Variants in SETD2 observed in about 807,000 individuals in gnomAD.
SETD2 encodes histone-lysine N-methyltransferase SETD2.
In SETD2, 31 loss-of-function variants were observed where a neutral mutation model predicts 242.1. That is an observed-to-expected ratio of 0.13 (90% CI 0.10 to 0.17). SETD2 has a LOEUF of 0.17. Ranked by LOEUF, SETD2 falls within the 10% of genes least tolerant of loss-of-function variation. The pLI, the probability that SETD2 is intolerant of heterozygous loss-of-function variation, is 1.00. For missense variants in SETD2, 2,481 were observed against 3,046.3 expected (o/e 0.81, Z 4.37); for synonymous variants, 1,006 against 1,066.5 (o/e 0.94, Z 1.11).
intron 18 of SETD2, among the ~76,000 whole-genome samples, chr3:47,027,906 C>T (rs2038575555): frequency 6.6e-6 from 1 of 151,932 alleles, no homozygotes; most frequent in Admixed American, 6.6e-5. Flanking sequence ...ATTCTCCTGC[C>T]TCAGCCTCCC....
chr3:47,142,354 G>A (rs2043749607), intron 1 of SETD2, among the ~76,000 whole-genome samples: 2 of 151,898 alleles, frequency 1.3e-5, no homozygotes. Flanking sequence ...CAAAAAATAA[G>A]CAAAATTAGC....
At chr3:47,130,140 G>T (rs1179203131) in intron 1 of SETD2, among the ~76,000 whole-genome samples, 2 of 152,196 alleles carry the variant, frequency 1.3e-5, no homozygotes, top group Non-Finnish European at 2.9e-5. Flanking sequence ...AATTAATCCA[G>T]CAAGATTGGC....
chr3:47,113,407 T>G (rs1271419368), intron 5 of SETD2, among the ~76,000 whole-genome samples: 1 of 152,038 alleles, frequency 6.6e-6, no homozygotes, highest in Non-Finnish European at 1.5e-5. Flanking sequence ...AAAACATAAT[T>G]ACCAAAAAAG....
intron 5 of SETD2, among the ~76,000 whole-genome samples, chr3:47,109,810 A>ACCC (rs906245354): frequency 6.6e-6 from 1 of 151,682 alleles, no homozygotes; most frequent in Non-Finnish European, 1.5e-5. Context: ...ACATGGTGAA[A>ACCC]CCCCCTCTCT....
rs2107720275 is a variant in SETD2 at position 47,114,023 on chromosome 3, G to A, written c.4587-19C>T. 1.9e-6 allele frequency: 3 copies of A among 1,593,478 alleles called. No individual in the cohort carries two copies. Among genetic ancestry groups the A allele is most frequent in the South Asian group, 1.1e-5 (1 of 88,308 alleles). The stretch of plus-strand genomic sequence containing the variant: ...AGAAGAACTGAAATGAGAAAAGGAG[G>A]AAATTTAATTCTTTAAAGCAGCAAA... On this transcript the variant is annotated intron_variant, in intron 4 of 20. Coordinates refer to ENST00000409792, the MANE Select transcript of SETD2 (RefSeq NM_014159.7).
chr3:47,062,319 C>A lies in SETD2; in HGVS notation c.6137G>T (p.Gly2046Val). 1 of 1,608,106 alleles carries A rather than the reference C, an allele frequency of 6.2e-7. No homozygotes were observed. The highest frequency in any genetic ancestry group is 2.2e-5 in the East Asian group (1 of 44,764). The change falls in exon 14 of 21, where the codon GGC becomes GTC. Residue 2046 changes from glycine (G) to valine (V), a missense_variant. Physicochemically the swap from Gly to Val is moderately radical, Grantham distance 109 (BLOSUM62 -3). Transcript: ENST00000409792. ...TTTERGRDAV[G>V]FRDQTPAPKT... ...CGGGGCAGGTGTTTGATCTCTGAAG[C>A]CAACAGCATCCCTTCCTCGTTCAGT...
chr3:47,074,864 G>A (rs1357186496), intron 12 of SETD2, among the ~76,000 whole-genome samples: 3 of 152,162 alleles, frequency 2.0e-5, no homozygotes, highest in Non-Finnish European at 4.4e-5. Context: ...GGCCGGGAAC[G>A]GTGGCTCACG....
In SETD2 at chr3:47,056,869, G is replaced by A. The variant is rs190589738; in HGVS notation, c.6915C>T (p.Val2305=). ...IYYQGQTCPT[V]YGVTSPYSQT... ...GTGAATAAGGTGATGTCACACCATA[G>A]ACTGTTGGACATGTCTGTCCTTGAT... The change falls in exon 15 of 21, where the codon GTC becomes GTT. Residue 2305 remains valine (V), a synonymous_variant. Coordinates refer to ENST00000409792, the MANE Select transcript of SETD2 (RefSeq NM_014159.7). 10 of 1,614,170 alleles carry A rather than the reference G, an allele frequency of 6.2e-6. No homozygotes were observed. The highest frequency in any genetic ancestry group is 2.2e-5 in the East Asian group (1 of 44,890).
At chr3:47,155,791 G>C (rs2044112932) in intron 1 of SETD2, among the ~76,000 whole-genome samples, 1 of 152,140 alleles carries the variant, frequency 6.6e-6, no homozygotes, top group South Asian at 2.1e-4. Flanking sequence ...GGGTGACAGA[G>C]TGAGACCCTG....
intron 1 of SETD2, among the ~76,000 whole-genome samples, chr3:47,163,131 G>A (rs1205436763): frequency 6.6e-6 from 1 of 152,200 alleles, no homozygotes; most frequent in Non-Finnish European, 1.5e-5. Flanking sequence ...TCCCTCAGGA[G>A]GCTTTCATTT....
rs1157617339 is a variant in SETD2 at position 47,120,495 on chromosome 3, A to C, written c.4141T>G (p.Leu1381Val). 6.2e-7 allele frequency: 1 copy of C among 1,613,860 alleles called. No homozygotes were observed. Among genetic ancestry groups the C allele is most frequent in the African/African-American group, 1.3e-5 (1 of 74,916 alleles). The change falls in exon 3 of 21, where the codon TTA becomes GTA. Residue 1381 changes from leucine (L) to valine (V), a missense_variant. Leu to Val is a conservative substitution (Grantham distance 32, BLOSUM62 1). Transcript: ENST00000409792. Reference sequence around the variant, plus strand: ...AAATCTTTCTTTTCATTCACAGCTAAAGTGTCCTTAATGGAATTGCTGCTT... The same window carrying C: ...AAATCTTTCTTTTCATTCACAGCTACAGTGTCCTTAATGGAATTGCTGCTT... ...EISSNSIKDT[L>V]AVNEKKDFSK...
chr3:47,119,151 AG>A (rs2042974712), intron 3 of SETD2, among the ~76,000 whole-genome samples: 1 of 152,166 alleles, frequency 6.6e-6, no homozygotes, highest in African/African-American at 2.4e-5. Context: ...GTAAGGGGGC[AG>A]GATACTTTTT....
rs1416092306 is a variant in SETD2 at position 47,120,173 on chromosome 3, T to C, written c.4454+9A>G. On this transcript the variant is annotated intron_variant, in intron 3 of 20. Coordinates refer to ENST00000409792, the MANE Select transcript of SETD2 (RefSeq NM_014159.7). ...TAAAATTTGTCAAACAAGTATTAAT[T>C]AGACTTACCTTTCTGTTAAATAAAC... The C allele has an allele frequency of 3.0e-5, 45 of 1,510,842 alleles. No individual in the cohort carries two copies. The East Asian group carries it at 1.0e-3, about 34-fold the overall frequency. 93.6% of individuals were successfully genotyped at this position (1,510,842 alleles called of 1,614,324 possible).
chr3:47,086,324 G>C lies in SETD2; in HGVS notation c.5278-10C>G, dbSNP rs748819145. 6.2e-7 allele frequency: 1 copy of C among 1,610,600 alleles called. No homozygotes were observed. The highest frequency in any genetic ancestry group is 8.5e-7 in the Non-Finnish European group (1 of 1,177,724). On this transcript the variant is annotated splice_polypyrimidine_tract_variant and intron_variant, in intron 10 of 20. Transcript: ENST00000409792. ...ACTGTGAGTGTGTGTTCTTTCATGGGGGAAGGGAGACACGATGCAGAGCAT... is the reference window on the plus strand; with the variant it reads ...ACTGTGAGTGTGTGTTCTTTCATGGCGGAAGGGAGACACGATGCAGAGCAT...
intron 5 of SETD2, among the ~76,000 whole-genome samples, chr3:47,113,203 A>T (rs2042726411): frequency 2.0e-5 from 3 of 151,864 alleles, no homozygotes; most frequent in Admixed American, 2.0e-4. Flanking sequence ...TCCCAGGCTC[A>T]AGCAGTCCTC....
intron 1 of SETD2, among the ~76,000 whole-genome samples, chr3:47,132,115 A>G (rs1470303546): frequency 1.3e-5 from 2 of 149,996 alleles, no homozygotes; most frequent in Admixed American, 6.7e-5. Context: ...GTGTGCATAT[A>G]TGAACATACA....
chr3:47,026,894 G>A (rs1225678670), intron 18 of SETD2, among the ~76,000 whole-genome samples: 7 of 151,898 alleles, frequency 4.6e-5, no homozygotes, highest in Non-Finnish European at 4.4e-5. Flanking sequence ...ACCATGGCAC[G>A]TGTATACCTA....
chr3:47,106,693 TC>T (rs1210518141), intron 5 of SETD2, among the ~76,000 whole-genome samples: 10 of 150,344 alleles, frequency 6.7e-5, no homozygotes, highest in African/African-American at 2.4e-4. Flanking sequence ...GCACCTGTAG[TC>T]CCAGCTACTT....
chr3:47,145,572 C>A, intron 1 of SETD2: 1 of 402,624 alleles, frequency 2.5e-6, no homozygotes, highest in South Asian at 1.8e-5. Flanking sequence ...GTTTTGACTG[C>A]AGCCCCTCAC....
Sources: allele counts gnomAD v4.1 joint callset (sites outside exome capture counted in the v4.1 genomes callset), GRCh38; gene constraint gnomAD v4.1.1; transcripts MANE v1.5; gene names NCBI Gene and HGNC (gene_info 2026-07-23, HGNC 2026-07-21).